Variants in TDRP observed in about 807,000 individuals in gnomAD.
TDRP encodes the protein testis development related protein.
Under a neutral mutation model 10.5 loss-of-function variants are expected in TDRP, and 12 were observed. The observed-to-expected ratio is 1.15, with a 90% confidence interval of 0.73 to 1.86. The LOEUF (loss-of-function observed/expected upper bound fraction) is 1.86. Among genes scored for constraint, TDRP ranks in the 40% most tolerant of loss-of-function variants. The pLI, the probability that TDRP is intolerant of heterozygous loss-of-function variation, is 0.00. For synonymous variants in TDRP, 139 were observed against 95.4 expected (o/e 1.46, Z -2.67); for missense variants, 353 against 229.2 (o/e 1.54, Z -3.49).
In TDRP at chr8:492,115, A is replaced by C; in HGVS notation, c.*284T>G. The C allele has an allele frequency of 3.3e-6, 4 of 1,225,070 alleles. No homozygotes were observed. Among genetic ancestry groups the C allele is most frequent in the Non-Finnish European group, 4.1e-6 (4 of 983,388 alleles). 75.9% of individuals were successfully genotyped at this position (1,225,070 alleles called of 1,614,324 possible). On this transcript the variant is annotated 3_prime_UTR_variant, in exon 3 of 3. Transcript: ENST00000324079. ...AGAAACTGCAAATCATTACTGCTGT[A>C]TTATGGGAGAGCATCATAAATTCAC... is the stretch of plus-strand genomic sequence containing the variant.
rs1481274907 is a variant in TDRP, at chr8:507,659, AG to A, written c.109-13063del. ...GGAGCTAAATTACACCACTGGGGGC[AG>A]GGTGGAGAATTGACTTCTCTAAAAT... On this transcript the variant is annotated intron_variant, in intron 1 of 2. Transcript: ENST00000324079. 2.0e-5 allele frequency among the ~76,000 whole-genome samples: 3 copies of A among 152,196 alleles called. No homozygotes were observed. In the South Asian group the frequency reaches 6.2e-4, roughly 32 times the overall value.
chr8:531,184 T>C (rs1312329452), intron 1 of TDRP, among the ~76,000 whole-genome samples: 1 of 152,148 alleles, frequency 6.6e-6, no homozygotes, highest in Non-Finnish European at 1.5e-5. Flanking sequence ...TTTTTTTTTC[T>C]CCTACTTCAA....
intron 1 of TDRP, among the ~76,000 whole-genome samples, chr8:499,505 C>G (rs935560823): frequency 1.3e-5 from 2 of 152,182 alleles, no homozygotes; most frequent in African/African-American, 4.8e-5. Context: ...CACCAGCTTC[C>G]TGAGCCCCTG....
intron 1 of TDRP, among the ~76,000 whole-genome samples, chr8:510,118 C>G (rs1259877396): frequency 2.0e-5 from 3 of 152,204 alleles, no homozygotes; most frequent in Non-Finnish European, 4.4e-5. Flanking sequence ...TGTTCACCAA[C>G]CAGGAAGCTC....
intron 1 of TDRP, among the ~76,000 whole-genome samples, chr8:504,170 C>T (rs1801389039): frequency 6.6e-6 from 1 of 152,340 alleles, no homozygotes; most frequent in African/African-American, 2.4e-5. Flanking sequence ...TGCTCAGTCC[C>T]CTCATCTGTC....
At chr8:520,388 T>A (rs1801870965) in intron 1 of TDRP, among the ~76,000 whole-genome samples, 1 of 152,238 alleles carries the variant, frequency 6.6e-6, no homozygotes, top group African/African-American at 2.4e-5. Flanking sequence ...CCTCTTATTA[T>A]AAGTGGTGCT....
intron 1 of TDRP, among the ~76,000 whole-genome samples, chr8:524,263 C>T (rs1019438048): frequency 1.3e-5 from 2 of 152,094 alleles, no homozygotes; most frequent in African/African-American, 4.8e-5. Context: ...AATACAGTGA[C>T]GAAAAACTTA....
At chr8:525,096 G>A (rs1341471154) in intron 1 of TDRP, among the ~76,000 whole-genome samples, 1 of 152,126 alleles carries the variant, frequency 6.6e-6, no homozygotes, top group African/African-American at 2.4e-5. Flanking sequence ...GCATACAATG[G>A]AGCTCCGATA....
rs767514551 is a variant in TDRP, at chr8:492,753, G to A, written c.213-9C>T. On this transcript the variant is annotated splice_polypyrimidine_tract_variant and intron_variant, in intron 2 of 2. Transcript: ENST00000324079. ...TTAATCGTAAGTTAGTTCTATAGGA[G>A]ATGAAAGAGTTAGGTGTTGGTGACC... The A allele has an allele frequency of 2.9e-5, 46 of 1,582,080 alleles. 1 individual carries two copies. Among genetic ancestry groups the A allele is most frequent in the Non-Finnish European group, 3.6e-5 (42 of 1,161,986 alleles).
rs1440768822 is a variant in TDRP, at chr8:490,883, A to G, written c.*1516T>C. 1 of 152,184 alleles carries G rather than the reference A, an allele frequency of 6.6e-6. No homozygotes were observed. The highest frequency in any genetic ancestry group is 1.5e-5 in the Non-Finnish European group (1 of 68,026). The allele number at this position is 152,184 out of a possible 1,614,324, so 9.4% of individuals were successfully genotyped here. Reference sequence around the variant, plus strand: ...ATAAGTAAACTTCTTGTTCTATTAAAAAAAAAAGTAGATGATTGACAGAAG... The same window carrying G: ...ATAAGTAAACTTCTTGTTCTATTAAGAAAAAAAGTAGATGATTGACAGAAG... On this transcript the variant is annotated 3_prime_UTR_variant, in exon 3 of 3. Transcript: ENST00000324079.
intron 1 of TDRP, among the ~76,000 whole-genome samples, chr8:514,768 C>T (rs1030726429): frequency 1.3e-5 from 2 of 152,062 alleles, no homozygotes; most frequent in Admixed American, 6.6e-5. Context: ...TAGGGGAAGG[C>T]CCACCCGAGA....
chr8:520,137 C>T (rs139675024), intron 1 of TDRP, among the ~76,000 whole-genome samples: 7 of 152,186 alleles, frequency 4.6e-5, no homozygotes, highest in African/African-American at 1.2e-4. Flanking sequence ...TTTTAAAACA[C>T]GGTTTGAAGC....
intron 1 of TDRP, among the ~76,000 whole-genome samples, chr8:529,359 T>C (rs11776309): frequency 0.19 from 29,418 of 152,168 alleles, 3,118 homozygotes; most frequent in African/African-American, 0.27. Context: ...TTTTAGTTAT[T>C]TTTATGCTTT....
Position 542,595 on chromosome 8 carries a change from T to C in TDRP, c.108+2055A>G, listed in dbSNP as rs375619344. On this transcript the variant is annotated intron_variant, in intron 1 of 2. Coordinates refer to ENST00000324079, the MANE Select transcript of TDRP (RefSeq NM_001384899.1). ...TGTACAGATAACAGGCCAGGCGCGG[T>C]GGCTCACGCCTGTAATCCCAGCACT... is the stretch of plus-strand genomic sequence containing the variant. Among the ~76,000 whole-genome samples, 4 of 152,136 alleles carry C rather than the reference T, an allele frequency of 2.6e-5. No individual in the cohort carries two copies. The South Asian group carries it at 8.3e-4, about 32-fold the overall frequency.
chr8:537,082 C>T (rs1802365651), intron 1 of TDRP, among the ~76,000 whole-genome samples: 1 of 152,238 alleles, frequency 6.6e-6, no homozygotes, highest in Admixed American at 6.5e-5. Context: ...AGTTCCCACC[C>T]TGACTCAATT....
At chr8:494,677 G>A in intron 1 of TDRP, 80 bp from the exon 2 acceptor site, 2 of 1,304,100 alleles carry the variant, frequency 1.5e-6, no homozygotes, top group Non-Finnish European at 2.2e-6. Flanking sequence ...TAACCATGGA[G>A]TTGAAATTTA....
In TDRP at chr8:490,769, C is replaced by A. The variant is rs1800947233; in HGVS notation, c.*1630G>T. ...TCTCTGTATTATGGAACAAAGAAAA[C>A]CTCCACAACTTCACCATTTCAAGGT... is the stretch of plus-strand genomic sequence containing the variant. On this transcript the variant is annotated 3_prime_UTR_variant, in exon 3 of 3. Transcript: ENST00000324079. The A allele has an allele frequency of 6.6e-6, 1 of 152,070 alleles. No homozygotes were observed. The highest frequency in any genetic ancestry group is 2.1e-4 in the South Asian group (1 of 4,822). The allele number at this position is 152,070 out of a possible 1,614,324, so 9.4% of individuals were successfully genotyped here.
chr8:524,052 A>G (rs2116831523), intron 1 of TDRP, among the ~76,000 whole-genome samples: 1 of 152,324 alleles, frequency 6.6e-6, no homozygotes, highest in Admixed American at 6.5e-5. Context: ...GGCAGTGGCC[A>G]CAAGAGTGCT....
chr8:498,505 G>C (rs1801195939), intron 1 of TDRP, among the ~76,000 whole-genome samples: 1 of 152,166 alleles, frequency 6.6e-6, no homozygotes, highest in Admixed American at 6.5e-5. Flanking sequence ...TAACTAACTT[G>C]TTTTTGATTT....
Sources: allele counts gnomAD v4.1 joint callset (sites outside exome capture counted in the v4.1 genomes callset), GRCh38; gene constraint gnomAD v4.1.1; transcripts MANE v1.5; gene names NCBI Gene and HGNC (gene_info 2026-07-23, HGNC 2026-07-21).